RBFOX3: variants seen among roughly 807,000 people sequenced by gnomAD.
RBFOX3 encodes RNA binding fox-1 homolog 3.
In RBFOX3, 17 loss-of-function variants were observed where a neutral mutation model predicts 48.7. That is an observed-to-expected ratio of 0.35 (90% confidence interval 0.24 to 0.52). The LOEUF is 0.52. Ranked by LOEUF, RBFOX3 falls within the 20% of genes least tolerant of loss-of-function variation. The pLI, the probability that RBFOX3 is intolerant of heterozygous loss-of-function variation, is 0.94. For missense variants in RBFOX3, 382 were observed against 497.5 expected, an observed-to-expected ratio of 0.77 and a Z score of 2.21; for synonymous variants, 212 against 209.5, an observed-to-expected ratio of 1.01 and a Z score of -0.10.
intron 3 of RBFOX3, among the ~76,000 whole-genome samples, chr17:79,304,451 A>G (rs868468794): frequency 6.7e-6 from 1 of 150,266 alleles, no homozygotes; most frequent in African/African-American, 2.4e-5. Context: ...GTATATATAT[A>G]TAAATATATA....
rs1041958629 is a variant in RBFOX3 at position 79,183,970 on chromosome 17, G to A, written c.-34+51796C>T. ...GGGTCTGGAATCTCCCTTTGCCCCC[G>A]CTCCGTTCTCCGGCCGCTGCGGAGA... On this transcript the variant is annotated intron_variant, in intron 4 of 14. Transcript: ENST00000693108. Among the ~76,000 whole-genome samples the A allele has an allele frequency of 3.3e-5, 5 of 152,170 alleles. No individual in the cohort carries two copies. In the East Asian group the frequency reaches 5.8e-4, roughly 18 times the overall value.
In RBFOX3 at chr17:79,442,158, G is replaced by A. The variant is rs543942705; in HGVS notation, c.-175+40296C>T. Among the ~76,000 whole-genome samples, 31 of 149,530 alleles carry A rather than the reference G, an allele frequency of 2.1e-4. 1 individual carries two copies. Among genetic ancestry groups the A allele is most frequent in the African/African-American group, 6.2e-4 (25 of 40,498 alleles). ...CCTGGGAGGGAGGGGAACCCCATTC[G>A]GCCTCCAACCACAGCTGCTGGGGAC... On this transcript the variant is annotated intron_variant, in intron 2 of 14. Coordinates refer to ENST00000693108, the MANE Select transcript of RBFOX3 (RefSeq NM_001350451.2).
At chr17:79,129,676 A>G (rs1422260775) in intron 4 of RBFOX3, among the ~76,000 whole-genome samples, 1 of 152,236 alleles carries the variant, frequency 6.6e-6, no homozygotes, top group Non-Finnish European at 1.5e-5. Flanking sequence ...GGGGAGAGGT[A>G]GTGGTGTGCT....
chr17:79,611,641 C>T (rs1466832546), upstream of RBFOX3, among the ~76,000 whole-genome samples: 19 of 152,178 alleles, frequency 1.2e-4, no homozygotes, highest in Middle Eastern at 3.2e-3. Context: ...GGATCCCCAG[C>T]AATGGGACGT....
chr17:79,367,042 C>T (rs570265327), intron 2 of RBFOX3, among the ~76,000 whole-genome samples: 7 of 152,282 alleles, frequency 4.6e-5, no homozygotes, highest in East Asian at 1.9e-4. Flanking sequence ...TCTGCTGCAC[C>T]GTGTTGTGAC....
chr17:79,293,188 T>C (rs902683742), intron 3 of RBFOX3, among the ~76,000 whole-genome samples: 38 of 152,214 alleles, frequency 2.5e-4, no homozygotes, highest in African/African-American at 8.7e-4. Flanking sequence ...ATTATCTCCG[T>C]TTAACAGGTA....
chr17:79,372,311 C>G (rs2058666001), intron 2 of RBFOX3, among the ~76,000 whole-genome samples: 2 of 121,342 alleles, frequency 1.6e-5, no homozygotes, highest in African/African-American at 6.3e-5. Context: ...CTATAGACCC[C>G]CCCCTGTCAA....
At chr17:79,365,690 A>C (rs1390539169) in intron 2 of RBFOX3, among the ~76,000 whole-genome samples, 1 of 152,228 alleles carries the variant, frequency 6.6e-6, no homozygotes, top group African/African-American at 2.4e-5. Flanking sequence ...GAAGGAATAT[A>C]TCTTCCCCAC....
intron 4 of RBFOX3, among the ~76,000 whole-genome samples, chr17:79,130,247 TC>T (rs536960695): frequency 6.6e-6 from 1 of 151,952 alleles, no homozygotes; most frequent in African/African-American, 2.4e-5. Flanking sequence ...CAGGTCCCCT[TC>T]CCCCCCGACT....
At chr17:79,592,609 TC>T (rs2093454481) in intron 1 of RBFOX3, among the ~76,000 whole-genome samples, 1 of 151,872 alleles carries the variant, frequency 6.6e-6, no homozygotes, top group South Asian at 2.1e-4. Flanking sequence ...AGTGGTTCCC[TC>T]CCCACACTCC....
intron 4 of RBFOX3, among the ~76,000 whole-genome samples, chr17:79,175,879 C>T (rs550583996): frequency 4.6e-5 from 7 of 152,362 alleles, no homozygotes; most frequent in Non-Finnish European, 7.3e-5. Context: ...TAGACACAGA[C>T]GCCCCGGCTG....
At chr17:79,452,537 G>A (rs1332633455) in intron 2 of RBFOX3, among the ~76,000 whole-genome samples, 1 of 152,204 alleles carries the variant, frequency 6.6e-6, no homozygotes, top group Non-Finnish European at 1.5e-5. Context: ...CTGGCTTCTG[G>A]CATGCAGCAG....
intron 2 of RBFOX3, among the ~76,000 whole-genome samples, chr17:79,411,934 GTA>G (rs1427027895): frequency 6.6e-6 from 1 of 152,114 alleles, no homozygotes; most frequent in Non-Finnish European, 1.5e-5. Flanking sequence ...CGAGTGTGTA[GTA>G]TGTGTGCGTG....
At chr17:79,211,191 G>T (rs1215257847) in intron 4 of RBFOX3, among the ~76,000 whole-genome samples, 1 of 152,226 alleles carries the variant, frequency 6.6e-6, no homozygotes, top group Non-Finnish European at 1.5e-5. Flanking sequence ...CAGGCTTCCT[G>T]GCAGGCAGCA....
chr17:79,436,914 C>T (rs1192668847), intron 2 of RBFOX3, among the ~76,000 whole-genome samples: 2 of 152,140 alleles, frequency 1.3e-5, no homozygotes, highest in South Asian at 2.1e-4. Context: ...ATGCTTTGAC[C>T]TCTCCGGGGA....
intron 2 of RBFOX3, among the ~76,000 whole-genome samples, chr17:79,322,301 C>T (rs1238587957): frequency 1.3e-5 from 2 of 152,088 alleles, no homozygotes; most frequent in Non-Finnish European, 2.9e-5. Flanking sequence ...GTGGAGCAAC[C>T]TGGTGTTCAG....
chr17:79,583,655 G>A (rs954244459), intron 1 of RBFOX3, among the ~76,000 whole-genome samples: 12 of 152,194 alleles, frequency 7.9e-5, no homozygotes, highest in Non-Finnish European at 1.5e-5. Context: ...GAGGCCCAGA[G>A]GAGTGCAACC....
At chr17:79,631,778 G>A in the RBFOX3 span, among the ~76,000 whole-genome samples, 1 of 152,214 alleles carries the variant, frequency 6.6e-6, no homozygotes, top group African/African-American at 2.4e-5. Flanking sequence ...CACGGGCCTA[G>A]CTCCAGGACA....
rs978432581 is a variant in RBFOX3 at position 79,096,523 on chromosome 17, G to A, written c.936+130C>T. 9.0e-5 allele frequency: 70 copies of A among 780,030 alleles called. No individual in the cohort carries two copies. In the African/African-American group the frequency reaches 9.2e-4, roughly 10 times the overall value. The allele number at this position is 780,030 out of a possible 1,614,324, so 48.3% of individuals were successfully genotyped here. A position where few individuals can be genotyped will look rare whatever the true frequency, so the allele number is the denominator to read the frequency against. ...TACTCTGGGCAGACGTGGCACCCTC[G>A]CCCTCCTGGCTTCAAGGGTGGGATG... On this transcript the variant is annotated intron_variant, in intron 12 of 14. Coordinates refer to ENST00000693108, the MANE Select transcript of RBFOX3 (RefSeq NM_001350451.2).
Sources: allele counts gnomAD v4.1 joint callset (sites outside exome capture counted in the v4.1 genomes callset), GRCh38; gene constraint gnomAD v4.1.1; transcripts MANE v1.5; gene names NCBI Gene and HGNC (gene_info 2026-07-23, HGNC 2026-07-21).